The following KAT14 variants were observed in gnomAD, a reference collection of about 807,000 sequenced individuals.
KAT14 encodes the protein cysteine-rich protein 2-binding protein.
In KAT14, 66 loss-of-function variants were observed where a neutral mutation model predicts 78.4. That is an observed-to-expected ratio of 0.84 (90% CI 0.69 to 1.03). KAT14 has a LOEUF of 1.03. Among genes scored for constraint, KAT14 ranks in the 50% least tolerant of loss-of-function variants. KAT14 has a pLI of 0.00. For missense variants in KAT14, 870 were observed against 972.5 expected, an observed-to-expected ratio of 0.89 and a Z score of 1.40; for synonymous variants, 344 against 359.4, an observed-to-expected ratio of 0.96 and a Z score of 0.48.
chr20:18,178,288 G>A (rs974196268), intron 7 of KAT14, among the ~76,000 whole-genome samples: 3 of 152,220 alleles, frequency 2.0e-5, no homozygotes, highest in South Asian at 2.1e-4. Context: ...ACAAGGAGCC[G>A]AATGTTAATC....
chr20:18,151,683 G>A (rs2038047924), intron 4 of KAT14, among the ~76,000 whole-genome samples: 1 of 151,746 alleles, frequency 6.6e-6, no homozygotes, highest in Admixed American at 6.6e-5. Flanking sequence ...TTGAATTCCA[G>A]AGAATATTTT....
At chr20:18,139,651 TGTGTGTG>T (rs1419970896) in intron 1 of KAT14, among the ~76,000 whole-genome samples, 1 of 143,682 alleles carries the variant, frequency 7.0e-6, no homozygotes, top group African/African-American at 2.5e-5. Flanking sequence ...TGTGTGTGTG[TGTGTGTG>T]TGTGTGTGTG....
rs58888387 is a variant in KAT14 at position 18,141,051 on chromosome 20, T to TTTTTTTTTTG, written c.-453-1156_-453-1155insTTTTTTTTGT. On this transcript the variant is annotated intron_variant, in intron 1 of 10. Coordinates refer to ENST00000688188, the MANE Select transcript of KAT14 (RefSeq NM_001392073.1). ...TTTTTTTTTTTTTTTTTTTTTATTT[T>TTTTTTTTTTG]TATTTTTGCTAGAGATGGGATTTTG... Among the ~76,000 whole-genome samples, 59 of 109,696 alleles carry TTTTTTTTTTG rather than the reference T, an allele frequency of 5.4e-4. 1 individual carries two copies. Among genetic ancestry groups the TTTTTTTTTTG allele is most frequent in the African/African-American group, 1.1e-3 (31 of 27,906 alleles). 72.0% of individuals were successfully genotyped at this position (109,696 alleles called of 152,430 possible).
rs2039317598 is a variant in KAT14 at position 18,183,023 on chromosome 20, A to C, written c.1806-100A>C. On this transcript the variant is annotated intron_variant, in intron 8 of 10. Transcript: ENST00000688188. ...TGTAAAACAGTGCAGGTTACTTTAAAGTTTCAAGCAGATCAAAGAGTTTAT... is the reference window on the plus strand; with the variant it reads ...TGTAAAACAGTGCAGGTTACTTTAACGTTTCAAGCAGATCAAAGAGTTTAT... The C allele has an allele frequency of 4.1e-6, 6 of 1,467,894 alleles. No individual in the cohort carries two copies. The South Asian group carries it at 7.0e-5, about 17-fold the overall frequency. 90.9% of individuals were successfully genotyped at this position (1,467,894 alleles called of 1,614,324 possible). A position where few individuals can be genotyped will look rare whatever the true frequency, so the allele number is the denominator to read the frequency against.
intron 7 of KAT14, among the ~76,000 whole-genome samples, chr20:18,165,411 C>A (rs1327106197): frequency 2.6e-5 from 4 of 152,114 alleles, no homozygotes; most frequent in African/African-American, 9.7e-5. Flanking sequence ...TGGAAATAGG[C>A]CCTTTGCAAA....
At position 18,137,867 on chromosome 20, in the gene KAT14, C is replaced by CTGGGCAGTACAGGCGGCGG. The variant is rs1417914564; in HGVS notation, c.-635_-617dup. On this transcript the variant is annotated 5_prime_UTR_variant, in exon 1 of 11. Coordinates refer to ENST00000688188, the MANE Select transcript of KAT14 (RefSeq NM_001392073.1). Reference sequence around the variant, plus strand: ...GGGCTCTGCGCTCGAGGGGTCGAGCCTGGGCAGTACAGGCGGCGGTGCGCA... The same window carrying CTGGGCAGTACAGGCGGCGG: ...GGGCTCTGCGCTCGAGGGGTCGAGCCTGGGCAGTACAGGCGGCGGTGGGCAGTACAGGCGGCGGTGCGCA... 1 of 1,323,980 alleles carries CTGGGCAGTACAGGCGGCGG rather than the reference C, an allele frequency of 7.6e-7. No homozygotes were observed. The highest frequency in any genetic ancestry group is 3.6e-5 in the Admixed American group (1 of 28,034). The allele number at this position is 1,323,980 out of a possible 1,614,324, so 82.0% of individuals were successfully genotyped here.
chr20:18,145,369 C>G lies in KAT14; in HGVS notation c.378+18C>G. On this transcript the variant is annotated intron_variant, in intron 3 of 10. Coordinates refer to ENST00000688188, the MANE Select transcript of KAT14 (RefSeq NM_001392073.1). ...GGCAGCAAGTGAGTAAAAAGCCCTT[C>G]CCCAAATCCATGAGGGTGGTTCCCC... 6.2e-7 allele frequency: 1 copy of G among 1,613,354 alleles called. No homozygotes were observed. Among genetic ancestry groups the G allele is most frequent in the Non-Finnish European group, 8.5e-7 (1 of 1,179,720 alleles).
intron 7 of KAT14, among the ~76,000 whole-genome samples, chr20:18,163,403 C>T (rs566976649): frequency 1.3e-5 from 2 of 152,244 alleles, no homozygotes; most frequent in Admixed American, 6.5e-5. Flanking sequence ...AAAGGATGGT[C>T]GGTGGAACCC....
At chr20:18,178,910 G>A (rs2039149344) in intron 7 of KAT14, among the ~76,000 whole-genome samples, 1 of 152,182 alleles carries the variant, frequency 6.6e-6, no homozygotes, top group African/African-American at 2.4e-5. Flanking sequence ...CTGTGAGCCT[G>A]TAAAATCAAA....
chr20:18,165,073 T>C (rs550381604), intron 7 of KAT14, among the ~76,000 whole-genome samples: 1 of 152,346 alleles, frequency 6.6e-6, no homozygotes, highest in East Asian at 1.9e-4. Context: ...GCCCATGTAT[T>C]CATCTCCTGG....
rs2039489416 is a variant in KAT14 at position 18,187,578 on chromosome 20, A to G, written c.*119A>G. 2 of 1,494,168 alleles carry G rather than the reference A, an allele frequency of 1.3e-6. No individual in the cohort carries two copies. Among genetic ancestry groups the G allele is most frequent in the Non-Finnish European group, 8.9e-7 (1 of 1,118,202 alleles). The allele number at this position is 1,494,168 out of a possible 1,614,324, so 92.6% of individuals were successfully genotyped here. On this transcript the variant is annotated 3_prime_UTR_variant, in exon 11 of 11. Coordinates refer to ENST00000688188, the MANE Select transcript of KAT14 (RefSeq NM_001392073.1). Reference sequence around the variant, plus strand: ...ATCTCTGTGATTACATGGTCCTTCAAACTCCCAACCAAAGTGAGAAAAGCG... The same window carrying G: ...ATCTCTGTGATTACATGGTCCTTCAGACTCCCAACCAAAGTGAGAAAAGCG...
intron 7 of KAT14, among the ~76,000 whole-genome samples, chr20:18,179,176 C>T (rs528602583): frequency 3.3e-5 from 5 of 152,342 alleles, no homozygotes; most frequent in African/African-American, 2.4e-5. Flanking sequence ...GTATAGCCCC[C>T]CTCCTGGCTG....
intron 9 of KAT14, among the ~76,000 whole-genome samples, chr20:18,183,864 T>C (rs149126734): frequency 3.3e-5 from 5 of 152,250 alleles, no homozygotes; most frequent in African/African-American, 1.2e-4. Context: ...AACTATTCTT[T>C]GTGGATCTGC....
At position 18,142,271 on chromosome 20, in the gene KAT14, C is replaced by G. The variant is rs978477902; in HGVS notation, c.-390C>G. 3 of 1,537,004 alleles carry G rather than the reference C, an allele frequency of 2.0e-6. No individual in the cohort carries two copies. Among genetic ancestry groups the G allele is most frequent in the Non-Finnish European group, 2.6e-6 (3 of 1,146,878 alleles). On this transcript the variant is annotated 5_prime_UTR_variant, in exon 2 of 11. Transcript: ENST00000688188. ...AATTCGGAAAAAAGAAAACATTCGT[C>G]TTTTGGGAGAACAGATTATTTTGAC...
At chr20:18,186,918 CTTATT>C (rs1404664551) in intron 10 of KAT14, among the ~76,000 whole-genome samples, 1 of 152,104 alleles carries the variant, frequency 6.6e-6, no homozygotes, top group Non-Finnish European at 1.5e-5. Flanking sequence ...AAAAGCAAAA[CTTATT>C]TTGTTTTGTA....
chr20:18,173,141 C>G (rs1006040504), intron 7 of KAT14, among the ~76,000 whole-genome samples: 1 of 152,166 alleles, frequency 6.6e-6, no homozygotes, highest in Non-Finnish European at 1.5e-5. Flanking sequence ...AAGATGGTTC[C>G]TTTTCCCCTC....
chr20:18,154,681 T>G (rs1182413028), intron 4 of KAT14, among the ~76,000 whole-genome samples: 1 of 152,138 alleles, frequency 6.6e-6, no homozygotes, highest in Non-Finnish European at 1.5e-5. Flanking sequence ...TACTATCATA[T>G]TTCATCAATT....
chr20:18,156,936 C>T (rs899364616), intron 4 of KAT14, among the ~76,000 whole-genome samples: 3 of 152,148 alleles, frequency 2.0e-5, no homozygotes, highest in East Asian at 3.9e-4. Flanking sequence ...TAACACTGGC[C>T]GATAATTTTA....
Position 18,181,778 on chromosome 20 carries a change from A to C in KAT14, c.1737A>C (p.Ser579=), listed in dbSNP as rs190793399. 1 of 1,614,234 alleles carries C rather than the reference A, an allele frequency of 6.2e-7. No homozygotes were observed. Among genetic ancestry groups the C allele is most frequent in the East Asian group, 2.2e-5 (1 of 44,882 alleles). The change falls in exon 8 of 11, where the codon TCA becomes TCC. Residue 579 remains serine, a synonymous_variant. Coordinates refer to ENST00000688188, the MANE Select transcript of KAT14 (RefSeq NM_001392073.1). ...AGTTTTTGTATCGCTTGGTAGGATCAGAAGATATGGCTGTGGACCAGAGTA... is the reference window on the plus strand; with the variant it reads ...AGTTTTTGTATCGCTTGGTAGGATCCGAAGATATGGCTGTGGACCAGAGTA... The part of the protein sequence containing the change: ...TTKFLYRLVG[S]EDMAVDQSIV...
Sources: allele counts gnomAD v4.1 joint callset (sites outside exome capture counted in the v4.1 genomes callset), GRCh38; gene constraint gnomAD v4.1.1; transcripts MANE v1.5; gene names NCBI Gene and HGNC (gene_info 2026-07-23, HGNC 2026-07-21).